DOK7: variants seen among roughly 807,000 people sequenced by gnomAD.
DOK7 encodes protein Dok-7.
In DOK7, 32 loss-of-function variants were observed where a neutral mutation model predicts 30.7. The ratio of observed to expected loss-of-function variants is 1.04; its 90% CI spans 0.79 to 1.40. The LOEUF (loss-of-function observed/expected upper bound fraction) is 1.40, where lower values mean the gene tolerates loss of function less well. DOK7 is among the 40% of genes most tolerant of loss of function. The pLI, the probability that DOK7 is intolerant of heterozygous loss-of-function variation, is 0.00. For synonymous variants in DOK7, 447 were observed against 324.1 expected, an observed-to-expected ratio of 1.38 and a Z score of -4.07; for missense variants, 1,007 against 699.2, an observed-to-expected ratio of 1.44 and a Z score of -4.97.
Position 3,473,707 on chromosome 4 carries a change from G to C in DOK7, c.331+71G>C. 1.2e-5 allele frequency: 17 copies of C among 1,408,080 alleles called. No homozygotes were observed. In the South Asian group the frequency reaches 2.2e-4, roughly 18 times the overall value. The allele number at this position is 1,408,080 out of a possible 1,614,324, so 87.2% of individuals were successfully genotyped here. ...GTGCCGGGGCCCCTCACCAACGTGG[G>C]CTGCAGAGGTGGGAGCGGCTCCAGG... is the stretch of plus-strand genomic sequence containing the variant. On this transcript the variant is annotated intron_variant, in intron 3 of 6. Transcript: ENST00000340083.
At chr4:3,494,599 A>T (rs560908697), downstream of DOK7, 15 of 874,798 alleles carry the variant, frequency 1.7e-5, no homozygotes, top group African/African-American at 3.6e-5. Flanking sequence ...TATCTCAGAG[A>T]GTGCGAGAGG....
rs375493622 is a variant in DOK7, at chr4:3,480,663, C to T, written c.532+4121C>T. On this transcript the variant is annotated intron_variant, in intron 4 of 6. Coordinates refer to ENST00000340083, the MANE Select transcript of DOK7 (RefSeq NM_173660.5). Reference sequence around the variant, plus strand: ...AACTAGGAGGCTCTTGCTACATGAACGCGGCATCTGCCCAGCTCTGGAGAG... The same window carrying T: ...AACTAGGAGGCTCTTGCTACATGAATGCGGCATCTGCCCAGCTCTGGAGAG... 4.1e-4 allele frequency among the ~76,000 whole-genome samples: 63 copies of T among 152,328 alleles called. 1 individual carries two copies. Among genetic ancestry groups the T allele is most frequent in the African/African-American group, 1.3e-3 (54 of 41,576 alleles).
chr4:3,485,552 C>G lies in DOK7; in HGVS notation c.546C>G (p.Phe182Leu), dbSNP rs575721820. Reference protein sequence around the residue: ...GTRCGYWAGVFFLSSAEGEQI... With the variant: ...GTRCGYWAGVLFLSSAEGEQI... ...CTTCCTCTGCAGGGGCTGGCGTCTT[C>G]TTCCTGTCCTCGGCCGAGGGGGAGC... is the stretch of plus-strand genomic sequence containing the variant. Residue 182 changes from phenylalanine (F) to leucine (L), a missense_variant, in exon 5 of 7, where the codon TTC becomes TTG. Phe to Leu is a conservative substitution (Grantham distance 22). Transcript: ENST00000340083. The G allele has an allele frequency of 1.2e-5, 20 of 1,603,796 alleles. No individual in the cohort carries two copies. The Admixed American group carries it at 3.0e-4, about 24-fold the overall frequency.
In DOK7 at chr4:3,489,775, G is replaced by T. The variant is rs1479904931; in HGVS notation, c.751G>T (p.Ala251Ser). The change falls in exon 6 of 7, where the codon GCG becomes TCG. Residue 251 changes from alanine (A) to serine (S), a missense_variant. Physicochemically the swap from Ala to Ser is moderately conservative, Grantham distance 99 (BLOSUM62 1). Transcript: ENST00000340083. ...GAAGCGGCTGAGCCTCCTCTCACAT[G>T]CGGGCAGGCCGGGCAGTGGAGGTAG... The part of the protein sequence containing the change: ...LEKRLSLLSH[A>S]GRPGSGGDDR... The T allele has an allele frequency of 4.4e-6, 7 of 1,574,036 alleles. 1 individual carries two copies. The highest frequency in any genetic ancestry group is 4.7e-5 in the East Asian group (2 of 42,834).
At chr4:3,495,437 G>T (rs1728853558), downstream of DOK7, among the ~76,000 whole-genome samples, 1 of 152,216 alleles carries the variant, frequency 6.6e-6, no homozygotes, top group Non-Finnish European at 1.5e-5. Flanking sequence ...GCGGTGGCCT[G>T]GAGTCATGGG....
chr4:3,465,747 C>T (rs1221075370), intron 2 of DOK7, among the ~76,000 whole-genome samples: 1 of 152,238 alleles, frequency 6.6e-6, no homozygotes. Context: ...GGGTGCCCTG[C>T]AGTGGGACCA....
At chr4:3,480,080 G>C (rs56032660) in intron 4 of DOK7, among the ~76,000 whole-genome samples, 1,642 of 152,310 alleles carry the variant, frequency 0.011, 30 homozygotes, top group African/African-American at 0.037. Context: ...CACAGACGGT[G>C]GTGGGCCCCA....
chr4:3,493,573 G>C lies in DOK7; in HGVS notation c.*72G>C, dbSNP rs1439956810. 5 of 1,566,956 alleles carry C rather than the reference G, an allele frequency of 3.2e-6. No individual in the cohort carries two copies. Among genetic ancestry groups the C allele is most frequent in the African/African-American group, 1.4e-5 (1 of 73,548 alleles). On this transcript the variant is annotated 3_prime_UTR_variant, in exon 7 of 7. Transcript: ENST00000340083. ...CCAGATGGCAGAGGAAGTGGCGCCA[G>C]CCTCCTTGCAGACTGGTGCTCTGTG...
intron 2 of DOK7, among the ~76,000 whole-genome samples, chr4:3,464,939 G>T (rs1272042749): frequency 1.3e-5 from 2 of 152,212 alleles, no homozygotes; most frequent in African/African-American, 4.8e-5. Context: ...GCTCCCGAGC[G>T]TCTGCTGGGT....
At chr4:3,464,200 G>A (rs915070164) in intron 2 of DOK7, among the ~76,000 whole-genome samples, 7 of 152,188 alleles carry the variant, frequency 4.6e-5, no homozygotes, top group African/African-American at 1.7e-4. Flanking sequence ...GGACAGGTGC[G>A]GCAGAGCCGG....
chr4:3,486,046 G>A (rs966197456), intron 5 of DOK7, among the ~76,000 whole-genome samples: 6 of 152,220 alleles, frequency 3.9e-5, no homozygotes, highest in Non-Finnish European at 7.3e-5. Flanking sequence ...TGGCCCGGGG[G>A]CAGCTGGTCT....
chr4:3,497,399 G>C (rs1728971417), downstream of DOK7, among the ~76,000 whole-genome samples: 1 of 152,076 alleles, frequency 6.6e-6, no homozygotes, highest in Admixed American at 6.5e-5. Flanking sequence ...TTTGGGGCCA[G>C]GTTGGGAGGG....
intron 5 of DOK7, 147 bp downstream of exon 5, chr4:3,485,805 A>T: frequency 1.6e-6 from 2 of 1,271,350 alleles, no homozygotes. Flanking sequence ...TTTCCAGGCC[A>T]GGATTGCAGC....
intron 6 of DOK7, among the ~76,000 whole-genome samples, chr4:3,490,505 G>A (rs866249726): frequency 3.3e-4 from 28 of 85,632 alleles, no homozygotes; most frequent in African/African-American, 1.2e-3. Context: ...TTTTCCCCCT[G>A]CTCATTCTTT....
chr4:3,498,186 A>AGAGT (rs915567979), downstream of DOK7, among the ~76,000 whole-genome samples: 2 of 152,140 alleles, frequency 1.3e-5, no homozygotes, highest in African/African-American at 4.8e-5. Flanking sequence ...CTTCACTGAA[A>AGAGT]GAGTATCCGA....
intron 3 of DOK7, among the ~76,000 whole-genome samples, chr4:3,475,368 A>G (rs1274729176): frequency 6.6e-6 from 1 of 152,176 alleles, no homozygotes. Context: ...TGGAGCAGGT[A>G]GAGGAGGCAG....
chr4:3,484,357 G>A (rs1727621375), intron 4 of DOK7, among the ~76,000 whole-genome samples: 1 of 152,228 alleles, frequency 6.6e-6, no homozygotes, highest in Non-Finnish European at 1.5e-5. Flanking sequence ...GGCAGAGCAT[G>A]ACTGGGCAGC....
intron 7 of DOK7, chr4:3,500,548 C>A: frequency 6.8e-7 from 1 of 1,478,768 alleles, no homozygotes; most frequent in South Asian, 1.3e-5. Context: ...GTCCCCAACT[C>A]CATCCCTGGC....
chr4:3,492,624 C>T, intron 6 of DOK7, 135 bp from the exon 7 acceptor site: 1 of 1,228,460 alleles, frequency 8.1e-7, no homozygotes, highest in East Asian at 2.5e-5. Flanking sequence ...CTGCTGTAGG[C>T]CCCGGGGCTT....
Sources: gnomAD v4.1 joint callset for allele counts (sites outside exome capture counted in the v4.1 genomes callset) on GRCh38, gnomAD v4.1.1 for gene constraint, MANE v1.5 for transcripts, NCBI Gene and HGNC (gene_info 2026-07-23, HGNC 2026-07-21) for gene names.